FAAH2: variants seen among roughly 807,000 people sequenced by gnomAD.
FAAH2 encodes the protein fatty-acid amide hydrolase 2.
In FAAH2, 60 loss-of-function variants were observed where a neutral mutation model predicts 36.9. The observed-to-expected ratio is 1.63, with a 90% CI of 1.32 to 2.02. FAAH2 has a LOEUF of 2.02. FAAH2 is among the 30% of genes most tolerant of loss of function. The probability of loss-of-function intolerance (pLI) is 0.00; values close to 1 mark genes in which losing one functional copy is unlikely to be tolerated. For synonymous variants in FAAH2, 214 were observed against 143.8 expected (o/e 1.49, Z -3.49); for missense variants, 689 against 397.5 (o/e 1.73, Z -6.23).
At chrX:57,207,749 C>A in the FAAH2 span, among the ~76,000 whole-genome samples, 14 of 112,558 alleles carry the variant, frequency 1.2e-4, no homozygotes, top group African/African-American at 3.9e-4. Context: ...TAGAAGTAAT[C>A]CTATCATCCC....
At chrX:57,416,865 A>T (rs986509282) in intron 7 of FAAH2, among the ~76,000 whole-genome samples, 18 of 112,253 alleles carry the variant, frequency 1.6e-4, no homozygotes, top group African/African-American at 5.8e-4. Flanking sequence ...TGGTACACCA[A>T]TCAAACGTAG....
At chrX:57,445,210 C>T (rs1026779872) in intron 8 of FAAH2, among the ~76,000 whole-genome samples, 1 of 111,592 alleles carries the variant, frequency 9.0e-6, no homozygotes, top group African/African-American at 3.3e-5. Flanking sequence ...CAGTAGGTGG[C>T]GTCTTAAGCT....
At chrX:57,234,780 G>A in the FAAH2 span, among the ~76,000 whole-genome samples, 1 of 111,939 alleles carries the variant, frequency 8.9e-6, no homozygotes, top group African/African-American at 3.2e-5. Context: ...GGTCCCCATG[G>A]TTCACACCTG....
In FAAH2 at chrX:57,456,157, C is replaced by T. The variant is rs187508668; in HGVS notation, c.1423+7439C>T. Among the ~76,000 whole-genome samples, 373 of 111,944 alleles carry T rather than the reference C, an allele frequency of 3.3e-3. 2 individuals are homozygous for T. The highest frequency in any genetic ancestry group is 5.3e-3 in the Non-Finnish European group (283 of 53,155). On this transcript the variant is annotated intron_variant, in intron 10 of 10. Coordinates refer to ENST00000374900, the MANE Select transcript of FAAH2 (RefSeq NM_174912.4). Reference sequence around the variant, plus strand: ...AAATCAATACCAAGATCTCTCAAAACTACCAGAAAATGGAAATTAAACAAC... The same window carrying T: ...AAATCAATACCAAGATCTCTCAAAATTACCAGAAAATGGAAATTAAACAAC...
intron 5 of FAAH2, among the ~76,000 whole-genome samples, chrX:57,353,827 G>T (rs1343908723): frequency 9.0e-6 from 1 of 110,886 alleles, no homozygotes; most frequent in African/African-American, 3.3e-5. Flanking sequence ...ATATACAAAT[G>T]GCCAATATGT....
chrX:57,401,269 G>C (rs1176790174), intron 7 of FAAH2, among the ~76,000 whole-genome samples: 1 of 111,992 alleles, frequency 8.9e-6, no homozygotes, highest in African/African-American at 3.2e-5. Flanking sequence ...TCTTGGGCTA[G>C]TGCCTGGCCA....
chrX:57,148,712 A>G, the FAAH2 span, among the ~76,000 whole-genome samples: 2 of 111,693 alleles, frequency 1.8e-5, no homozygotes, highest in Non-Finnish European at 3.8e-5. Flanking sequence ...GCAAACAGGG[A>G]CAATTTGACT....
At chrX:57,250,478 C>T in the FAAH2 span, among the ~76,000 whole-genome samples, 2 of 111,025 alleles carry the variant, frequency 1.8e-5, no homozygotes, top group Non-Finnish European at 3.8e-5. Context: ...GTACTATATT[C>T]TTAAAATTTG....
At chrX:57,275,664 T>C in the FAAH2 span, among the ~76,000 whole-genome samples, 1 of 111,671 alleles carries the variant, frequency 9.0e-6, no homozygotes, top group African/African-American at 3.3e-5. Context: ...TAGTGTGCTG[T>C]ATTCAGGAGA....
the FAAH2 span, among the ~76,000 whole-genome samples, chrX:57,261,122 G>A: frequency 9.1e-6 from 1 of 110,426 alleles, no homozygotes; most frequent in Non-Finnish European, 1.9e-5. Context: ...TTATAAAAAC[G>A]TGAAGCCACA....
At chrX:57,398,873 T>C in intron 7 of FAAH2, among the ~76,000 whole-genome samples, 1 of 111,540 alleles carries the variant, frequency 9.0e-6, no homozygotes, top group South Asian at 3.8e-4. Flanking sequence ...ATCCAGCTAG[T>C]CCTGTCTCTC....
intron 7 of FAAH2, among the ~76,000 whole-genome samples, chrX:57,404,922 T>C (rs759873931): frequency 8.9e-6 from 1 of 111,798 alleles, no homozygotes; most frequent in South Asian, 3.8e-4. Context: ...GCTTTCTGCC[T>C]CTAGTCGGCC....
chrX:57,327,395 AG>A (rs1335918651), intron 3 of FAAH2, among the ~76,000 whole-genome samples: 2 of 110,303 alleles, frequency 1.8e-5, no homozygotes, highest in African/African-American at 6.6e-5. Context: ...CTGCCTTGCT[AG>A]ATTGGGGAAT....
chrX:57,197,470 TG>T, the FAAH2 span, among the ~76,000 whole-genome samples: 1 of 111,524 alleles, frequency 9.0e-6, no homozygotes, highest in African/African-American at 3.3e-5. Flanking sequence ...TCAGAACTGT[TG>T]TTCTGGTTTC....
At chrX:57,268,762 A>G in the FAAH2 span, among the ~76,000 whole-genome samples, 1 of 111,673 alleles carries the variant, frequency 9.0e-6, no homozygotes, top group African/African-American at 3.2e-5. Context: ...GAAAGAAAAG[A>G]CCATTACCCA....
the FAAH2 span, among the ~76,000 whole-genome samples, chrX:57,180,615 CA>C: frequency 9.0e-6 from 1 of 110,936 alleles, no homozygotes; most frequent in African/African-American, 3.3e-5. Context: ...AAAATTGAAT[CA>C]GTAATAAATA....
At chrX:57,307,780 C>G (rs1018083638) in intron 2 of FAAH2, among the ~76,000 whole-genome samples, 1 of 110,767 alleles carries the variant, frequency 9.0e-6, no homozygotes, top group Non-Finnish European at 1.9e-5. Context: ...AAAACTTTCC[C>G]TCGCTCACAC....
chrX:57,451,716 G>A (rs190292539), intron 10 of FAAH2, among the ~76,000 whole-genome samples: 6 of 111,617 alleles, frequency 5.4e-5, no homozygotes, highest in African/African-American at 1.6e-4. Flanking sequence ...GTTTTTAATA[G>A]AGGAGTGAGA....
rs202230920 is a variant in FAAH2, at chrX:57,426,883, A to C, written c.997-5035A>C. On this transcript the variant is annotated intron_variant, in intron 7 of 10. Transcript: ENST00000374900. ...ACCAAACCCAAATCTAATAGAAGAAAAATAACAAACATCAGAGCAAAACTA... is the reference window on the plus strand; with the variant it reads ...ACCAAACCCAAATCTAATAGAAGAACAATAACAAACATCAGAGCAAAACTA... Among the ~76,000 whole-genome samples, 14 of 111,565 alleles carry C rather than the reference A, an allele frequency of 1.3e-4. No homozygotes were observed. In the East Asian group the frequency reaches 3.7e-3, roughly 29 times the overall value.
Sources: allele counts gnomAD v4.1 joint callset (sites outside exome capture counted in the v4.1 genomes callset), GRCh38; gene constraint gnomAD v4.1.1; transcripts MANE v1.5; gene names NCBI Gene and HGNC (gene_info 2026-07-23, HGNC 2026-07-21).